Variants in STK40 observed in about 807,000 individuals in gnomAD.
STK40 encodes serine/threonine kinase 40, also known as serine/threonine-protein kinase 40.
A neutral mutation model predicts 47.9 loss-of-function variants in STK40; 13 were observed. That is an observed-to-expected ratio of 0.27 (90% CI 0.18 to 0.43). The LOEUF (loss-of-function observed/expected upper bound fraction) is 0.43. STK40 is among the 20% of genes least tolerant of loss of function. The pLI is 1.00. For missense variants in STK40, 460 were observed against 595.1 expected, an observed-to-expected ratio of 0.77 and a Z score of 2.36; for synonymous variants, 225 against 243.2, an observed-to-expected ratio of 0.93 and a Z score of 0.69.
chr1:36,367,485 C>T (rs1377071488), intron 1 of STK40, among the ~76,000 whole-genome samples: 1 of 152,144 alleles, frequency 6.6e-6, no homozygotes, highest in African/African-American at 2.4e-5. Context: ...TACCAGGCAA[C>T]GTGAGCCCAG....
chr1:36,362,828 G>A (rs995541872), intron 1 of STK40, among the ~76,000 whole-genome samples: 1 of 152,144 alleles, frequency 6.6e-6, no homozygotes, highest in Non-Finnish European at 1.5e-5. Context: ...ACACTGTAAT[G>A]CTATTTTATG....
chr1:36,354,357 A>T lies in STK40; in HGVS notation c.623+7T>A, dbSNP rs1415515431. 2 of 1,613,926 alleles carry T rather than the reference A, an allele frequency of 1.2e-6. No homozygotes were observed. Among genetic ancestry groups the T allele is most frequent in the Non-Finnish European group, 8.5e-7 (1 of 1,179,890 alleles). On this transcript the variant is annotated splice_region_variant and intron_variant, in intron 6 of 10. Transcript: ENST00000373132. ...TAACTGTATGGATGTAGAGACAGGG[A>T]TCTTACCTCTTGTTGAGCACCATGT...
intron 1 of STK40, among the ~76,000 whole-genome samples, chr1:36,371,685 C>CAAAAAAAAAA (rs57138983): frequency 3.6e-5 from 1 of 27,972 alleles, no homozygotes; most frequent in Non-Finnish European, 7.8e-5. Flanking sequence ...ACCCTGTCTC[C>CAAAAAAAAAA]AAAAAAAAAA....
intron 1 of STK40, among the ~76,000 whole-genome samples, chr1:36,368,767 C>T (rs139706923): frequency 6.6e-6 from 1 of 152,310 alleles, no homozygotes; most frequent in African/African-American, 2.4e-5. Context: ...GTATAAAAGA[C>T]ATGATTGGAC....
intron 7 of STK40, among the ~76,000 whole-genome samples, chr1:36,345,991 A>AT (rs143130232): frequency 1.9e-4 from 5 of 26,466 alleles, no homozygotes; most frequent in East Asian, 7.3e-4. Flanking sequence ...ATATATATAT[A>AT]TTTTTTTTTT....
intron 1 of STK40, among the ~76,000 whole-genome samples, chr1:36,369,743 T>C (rs576223249): frequency 6.6e-6 from 1 of 152,144 alleles, no homozygotes; most frequent in Non-Finnish European, 1.5e-5. Flanking sequence ...GACTCCCCCA[T>C]CTCAGGCTGT....
At chr1:36,348,911 C>A in intron 6 of STK40, 96 bp from the exon 7 acceptor site, 2 of 1,029,184 alleles carry the variant, frequency 1.9e-6, no homozygotes. Flanking sequence ...AACACCCAAT[C>A]CTGAACAGTA....
At chr1:36,349,986 G>C (rs1490724814) in intron 6 of STK40, among the ~76,000 whole-genome samples, 2 of 152,214 alleles carry the variant, frequency 1.3e-5, no homozygotes, top group Non-Finnish European at 2.9e-5. Context: ...CAGAGGCAGA[G>C]GGCATGTGTG....
At chr1:36,358,465 G>A (rs1178254066) in intron 3 of STK40, 83 bp from the exon 4 acceptor site, 58 of 1,511,742 alleles carry the variant, frequency 3.8e-5, no homozygotes, top group Non-Finnish European at 5.0e-5. Flanking sequence ...GAAGCAGGGG[G>A]CTTTTTACCA....
At chr1:36,352,853 C>G (rs1557509857) in intron 6 of STK40, among the ~76,000 whole-genome samples, 2 of 152,258 alleles carry the variant, frequency 1.3e-5, no homozygotes. Flanking sequence ...CTGAGCGTTT[C>G]TGTCTGCAGC....
chr1:36,359,384 C>A (rs1646832791), intron 2 of STK40, among the ~76,000 whole-genome samples: 1 of 152,104 alleles, frequency 6.6e-6, no homozygotes, highest in South Asian at 2.1e-4. Context: ...CCAGCCAGGG[C>A]AACAGAACAA....
At chr1:36,358,865 G>A in intron 2 of STK40, 43 bp from the exon 3 acceptor site, 1 of 1,612,484 alleles carries the variant, frequency 6.2e-7, no homozygotes, top group South Asian at 1.1e-5. Context: ...AGAAGCCCTG[G>A]CTGTCACGAC....
rs1361782178 is a variant in STK40, at chr1:36,358,124, T to C, written c.342+115A>G. 4.5e-6 allele frequency: 6 copies of C among 1,325,294 alleles called. No individual in the cohort carries two copies. In the African/African-American group the frequency reaches 8.8e-5, roughly 20 times the overall value. 82.1% of individuals were successfully genotyped at this position (1,325,294 alleles called of 1,614,324 possible). ...CCTGGAAGTCCTGATGTACCTAGCA[T>C]GGCAGGGACACCCAAGGGTCACGTG... On this transcript the variant is annotated intron_variant, in intron 4 of 10. Transcript: ENST00000373132.
chr1:36,344,001 G>A, intron 8 of STK40, 22 bp from the exon 9 acceptor site: 2 of 1,598,538 alleles, frequency 1.3e-6, no homozygotes, highest in Non-Finnish European at 1.7e-6. Flanking sequence ...AGTTGGGGAG[G>A]AGGGCTCAGT....
rs918922322 is a variant in STK40 at position 36,358,970 on chromosome 1, A to G, written c.113-148T>C. 5.8e-5 allele frequency: 43 copies of G among 744,992 alleles called. No individual in the cohort carries two copies. In the African/African-American group the frequency reaches 7.4e-4, roughly 13 times the overall value. 46.1% of individuals were successfully genotyped at this position (744,992 alleles called of 1,614,324 possible). On this transcript the variant is annotated intron_variant, in intron 2 of 10. Transcript: ENST00000373132. ...CTGACCCTCCAAGGTCTCCTGGTGGAGAGTTTTCAAGGTCTCCCCTCCAAA... is the reference window on the plus strand; with the variant it reads ...CTGACCCTCCAAGGTCTCCTGGTGGGGAGTTTTCAAGGTCTCCCCTCCAAA...
chr1:36,358,169 G>T, intron 4 of STK40, 70 bp downstream of exon 4: 2 of 1,482,180 alleles, frequency 1.3e-6, no homozygotes, highest in Non-Finnish European at 1.8e-6. Context: ...TATGGCTGTG[G>T]CCCCAGCAAG....
At chr1:36,370,612 T>C (rs1354155801) in intron 1 of STK40, among the ~76,000 whole-genome samples, 1 of 152,184 alleles carries the variant, frequency 6.6e-6, no homozygotes, top group Admixed American at 6.5e-5. Context: ...GCCAGGTCTC[T>C]TGTAGATTCC....
intron 2 of STK40, among the ~76,000 whole-genome samples, chr1:36,359,223 A>G (rs1246736851): frequency 6.6e-6 from 1 of 152,128 alleles, no homozygotes; most frequent in Non-Finnish European, 1.5e-5. Flanking sequence ...CCTGGGCAAC[A>G]CAGTGAGACT....
intron 1 of STK40, among the ~76,000 whole-genome samples, chr1:36,385,493 G>A (rs928841434): frequency 4.6e-5 from 7 of 152,198 alleles, no homozygotes; most frequent in African/African-American, 1.2e-4. Flanking sequence ...GAGCTGCGGC[G>A]GGGACTGAAG....
Sources: gnomAD v4.1 joint callset for allele counts (sites outside exome capture counted in the v4.1 genomes callset) on GRCh38, gnomAD v4.1.1 for gene constraint, MANE v1.5 for transcripts, NCBI Gene and HGNC (gene_info 2026-07-23, HGNC 2026-07-21) for gene names.